The following GPC4 variants were observed in gnomAD, a reference collection of about 807,000 sequenced individuals.
The protein encoded by GPC4 is glypican 4, also known as glypican-4.
A neutral mutation model predicts 35.0 loss-of-function variants in GPC4; 10 were observed. The ratio of observed to expected loss-of-function variants is 0.29; its 90% CI spans 0.18 to 0.48. The LOEUF is 0.48. Among genes scored for constraint, GPC4 ranks in the 20% least tolerant of loss-of-function variants. The pLI is 0.99. For missense variants in GPC4, 322 were observed against 451.3 expected (o/e 0.71, Z 2.60); for synonymous variants, 167 against 170.2 (o/e 0.98, Z 0.15).
At chrX:133,391,845 C>T (rs1034131531) in intron 1 of GPC4, among the ~76,000 whole-genome samples, 1 of 111,657 alleles carries the variant, frequency 9.0e-6, no homozygotes, top group South Asian at 3.8e-4. Flanking sequence ...AAACATTCAT[C>T]ATTCTCACTC....
chrX:133,365,131 G>T (rs2068584481), intron 1 of GPC4, among the ~76,000 whole-genome samples: 1 of 111,614 alleles, frequency 9.0e-6, no homozygotes. Flanking sequence ...CCAAAGCCAA[G>T]TAAGTTTTTT....
chrX:133,374,052 C>T (rs780710912), intron 1 of GPC4, among the ~76,000 whole-genome samples: 96 of 111,190 alleles, frequency 8.6e-4, no homozygotes, highest in Non-Finnish European at 9.8e-4. Flanking sequence ...TGCACAACTC[C>T]ATGAATATAC....
At chrX:133,310,634 A>G (rs1475770471) in intron 4 of GPC4, among the ~76,000 whole-genome samples, 12 of 111,924 alleles carry the variant, frequency 1.1e-4, no homozygotes, top group Non-Finnish European at 1.9e-4. Context: ...CAGAAACAGA[A>G]TCCCTGAATT....
chrX:133,355,775 T>A (rs754153525), intron 1 of GPC4, among the ~76,000 whole-genome samples: 6 of 110,785 alleles, frequency 5.4e-5, no homozygotes, highest in Non-Finnish European at 1.1e-4. Flanking sequence ...CTTAGCACCA[T>A]CCCCCGGGAG....
At chrX:133,346,344 A>G (rs893495033) in intron 1 of GPC4, among the ~76,000 whole-genome samples, 1 of 111,554 alleles carries the variant, frequency 9.0e-6, no homozygotes, top group Admixed American at 9.6e-5. Context: ...CTCCTGCCTC[A>G]TGTCCAAAGT....
At chrX:133,375,032 C>A (rs747737509) in intron 1 of GPC4, among the ~76,000 whole-genome samples, 1 of 112,281 alleles carries the variant, frequency 8.9e-6, no homozygotes, top group East Asian at 2.8e-4. Flanking sequence ...ACTTCCACTT[C>A]CACATACTGC....
At chrX:133,339,065 T>C in intron 2 of GPC4, 118 bp downstream of exon 2, 1 of 677,340 alleles carries the variant, frequency 1.5e-6, no homozygotes. Flanking sequence ...TCGTCTCTGG[T>C]ATCCAACAAG....
chrX:133,404,322 C>A (rs1433174461), intron 1 of GPC4, among the ~76,000 whole-genome samples: 2 of 98,875 alleles, frequency 2.0e-5, no homozygotes, highest in Non-Finnish European at 4.0e-5. Flanking sequence ...CCAAGGTGGG[C>A]GGATCATGAG....
At chrX:133,338,124 C>T (rs1408961159) in intron 2 of GPC4, among the ~76,000 whole-genome samples, 1 of 111,262 alleles carries the variant, frequency 9.0e-6, no homozygotes, top group Admixed American at 9.7e-5. Flanking sequence ...TCAAAGCCAA[C>T]ATTTGAAATA....
At chrX:133,367,432 G>A (rs1054995648) in intron 1 of GPC4, among the ~76,000 whole-genome samples, 6 of 112,450 alleles carry the variant, frequency 5.3e-5, no homozygotes, top group South Asian at 3.7e-4. Context: ...TTCTCATAAT[G>A]TTTTCTTCCT....
chrX:133,340,027 C>G (rs1408986176), intron 1 of GPC4, among the ~76,000 whole-genome samples: 1 of 111,186 alleles, frequency 9.0e-6, no homozygotes, highest in African/African-American at 3.3e-5. Context: ...GTAGCATCAT[C>G]TCAGTATAGA....
chrX:133,411,079 C>G (rs747076224), intron 1 of GPC4, among the ~76,000 whole-genome samples: 12 of 112,555 alleles, frequency 1.1e-4, no homozygotes, highest in African/African-American at 3.9e-4. Context: ...TGCTACCTCT[C>G]CAACACACAT....
chrX:133,397,925 G>A (rs2068751602), intron 1 of GPC4, among the ~76,000 whole-genome samples: 3 of 110,729 alleles, frequency 2.7e-5, no homozygotes, highest in African/African-American at 9.8e-5. Context: ...GCTGGGCGTG[G>A]TGGTGGCTCA....
chrX:133,406,368 G>C (rs988676899), intron 1 of GPC4, among the ~76,000 whole-genome samples: 1 of 112,264 alleles, frequency 8.9e-6, no homozygotes, highest in Non-Finnish European at 1.9e-5. Flanking sequence ...AAACAACCAT[G>C]CACTGATTCT....
chrX:133,348,492 G>A (rs2068502929), intron 1 of GPC4, among the ~76,000 whole-genome samples: 1 of 112,588 alleles, frequency 8.9e-6, no homozygotes, highest in Non-Finnish European at 1.9e-5. Flanking sequence ...AGTGTGCTGG[G>A]GGACCTTGCG....
At chrX:133,409,428 T>C (rs1227826599) in intron 1 of GPC4, among the ~76,000 whole-genome samples, 1 of 105,203 alleles carries the variant, frequency 9.5e-6, no homozygotes, top group African/African-American at 3.4e-5. Context: ...GGCAGTATAA[T>C]CTCATTGTAG....
At chrX:133,339,067 T>C in intron 2 of GPC4, 116 bp downstream of exon 2, 1 of 695,953 alleles carries the variant, frequency 1.4e-6, no homozygotes, top group South Asian at 3.0e-5. Flanking sequence ...GTCTCTGGTA[T>C]CCAACAAGGA....
intron 1 of GPC4, among the ~76,000 whole-genome samples, chrX:133,389,972 G>A (rs750982272): frequency 2.2e-4 from 25 of 111,451 alleles, no homozygotes; most frequent in African/African-American, 7.5e-4. Flanking sequence ...CACACTCAGC[G>A]ACTATGCACT....
chrX:133,345,525 A>G (rs1007152160), intron 1 of GPC4, among the ~76,000 whole-genome samples: 1 of 112,305 alleles, frequency 8.9e-6, no homozygotes, highest in Non-Finnish European at 1.9e-5. Context: ...ACTGTAACCT[A>G]AACTGGGTGT....
Sources: allele counts gnomAD v4.1 joint callset (sites outside exome capture counted in the v4.1 genomes callset), GRCh38; gene constraint gnomAD v4.1.1; transcripts MANE v1.5; gene names NCBI Gene and HGNC (gene_info 2026-07-23, HGNC 2026-07-21).